DNAH6: variants seen among roughly 807,000 people sequenced by gnomAD.
DNAH6 encodes the protein axonemal beta dynein heavy chain 6.
Under a neutral mutation model 491.4 loss-of-function variants are expected in DNAH6, and 340 were observed. The ratio of observed to expected loss-of-function variants is 0.69; its 90% CI spans 0.63 to 0.76. The LOEUF is 0.76. Among genes scored for constraint, DNAH6 ranks in the 30% least tolerant of loss-of-function variants. The probability of loss-of-function intolerance (pLI) is 0.00; values close to 1 mark genes in which losing one functional copy is unlikely to be tolerated. For missense variants in DNAH6, 4,443 were observed against 4,972.2 expected, an observed-to-expected ratio of 0.89 and a Z score of 3.20; for synonymous variants, 1,603 against 1,686.1, an observed-to-expected ratio of 0.95 and a Z score of 1.21.
At chr2:84,809,256 T>G (rs72836489) in intron 72 of DNAH6, among the ~76,000 whole-genome samples, 1,800 of 152,254 alleles carry the variant, frequency 0.012, 20 homozygotes, top group Non-Finnish European at 0.017. Flanking sequence ...AGGAAAAGTG[T>G]TACTGCTAAG....
chr2:84,650,649 G>A (rs972127641), intron 33 of DNAH6, among the ~76,000 whole-genome samples: 1 of 152,164 alleles, frequency 6.6e-6, no homozygotes, highest in Non-Finnish European at 1.5e-5. Flanking sequence ...CTAGTCAGAA[G>A]GCTGAGGCGG....
At chr2:84,505,722 C>A in the DNAH6 span, among the ~76,000 whole-genome samples, 1 of 152,154 alleles carries the variant, frequency 6.6e-6, no homozygotes, top group Non-Finnish European at 1.5e-5. Context: ...CTCCACCCCA[C>A]AACAGGCCCC....
At chr2:84,703,289 C>T (rs939864850) in intron 49 of DNAH6, 106 bp from the exon 50 acceptor site, 16 of 809,356 alleles carry the variant, frequency 2.0e-5, no homozygotes, top group East Asian at 2.8e-5. Flanking sequence ...ACTGATTTAA[C>T]AATTCTGTAG....
intron 64 of DNAH6, among the ~76,000 whole-genome samples, chr2:84,771,889 TAAATAAC>T (rs1451063490): frequency 6.6e-6 from 1 of 152,118 alleles, no homozygotes; most frequent in Non-Finnish European, 1.5e-5. Context: ...CACGAAGAAA[TAAATAAC>T]ACAAGTAAGC....
At position 84,536,775 on chromosome 2, in the gene DNAH6, A is replaced by G. The variant is rs372507205; in HGVS notation, c.663-7458A>G. On this transcript the variant is annotated intron_variant, in intron 4 of 76. Coordinates refer to ENST00000389394, the MANE Select transcript of DNAH6 (RefSeq NM_001370.2). ...AGGAGTGGTGACTTCAAGAACTTGG[A>G]CAGATCATTCATCATGTCTTGATTA... Among the ~76,000 whole-genome samples, 99 of 152,146 alleles carry G rather than the reference A, an allele frequency of 6.5e-4. 1 individual carries two copies. The highest frequency in any genetic ancestry group is 2.2e-3 in the African/African-American group (93 of 41,544).
At chr2:84,788,038 G>C (rs1467212574) in intron 68 of DNAH6, among the ~76,000 whole-genome samples, 7 of 152,154 alleles carry the variant, frequency 4.6e-5, no homozygotes, top group Admixed American at 3.9e-4. Flanking sequence ...AGGTGATCTA[G>C]AGCCTAAAAG....
chr2:84,628,040 C>A (rs903995097), intron 29 of DNAH6, among the ~76,000 whole-genome samples: 1 of 152,140 alleles, frequency 6.6e-6, no homozygotes, highest in African/African-American at 2.4e-5. Flanking sequence ...CTCTCTAGAA[C>A]CTCGCCAAGA....
chr2:84,724,501 C>T lies in DNAH6; in HGVS notation c.9972+1697C>T, dbSNP rs138937383. Among the ~76,000 whole-genome samples, 1,409 of 152,360 alleles carry T rather than the reference C, an allele frequency of 9.2e-3. 8 individuals carry two copies. The highest frequency in any genetic ancestry group is 0.015 in the Non-Finnish European group (1,040 of 68,046). On this transcript the variant is annotated intron_variant, in intron 60 of 76. Transcript: ENST00000389394. ...TGCAACAGCCAAATTGATCCACTTA[C>T]ATTCCCAAGACTAACTGGATGCTTT...
At chr2:84,509,213 C>G in the DNAH6 span, among the ~76,000 whole-genome samples, 12 of 152,226 alleles carry the variant, frequency 7.9e-5, no homozygotes, top group Admixed American at 2.6e-4. Flanking sequence ...AAGTCTCTTT[C>G]TAGGTCTCTA....
intron 18 of DNAH6, among the ~76,000 whole-genome samples, chr2:84,601,654 T>C (rs900587984): frequency 3.3e-5 from 5 of 150,328 alleles, no homozygotes; most frequent in African/African-American, 4.9e-5. Context: ...ATTTTTTTAA[T>C]CCAGTCTGAC....
intron 22 of DNAH6, 113 bp from the exon 23 acceptor site, chr2:84,616,773 T>C: frequency 2.0e-6 from 1 of 499,056 alleles, no homozygotes; most frequent in East Asian, 3.6e-5. Context: ...TTTTATTAAA[T>C]AGTTTTCTAG....
chr2:84,699,524 T>C, intron 47 of DNAH6, 70 bp from the exon 48 acceptor site: 1 of 1,384,740 alleles, frequency 7.2e-7, no homozygotes, highest in South Asian at 1.4e-5. Flanking sequence ...TCAGATGCAT[T>C]AGCCAACACT....
chr2:84,619,502 C>T (rs561258906), intron 23 of DNAH6, among the ~76,000 whole-genome samples, 183 bp from the exon 24 acceptor site: 2 of 152,250 alleles, frequency 1.3e-5, no homozygotes, highest in South Asian at 4.1e-4. Context: ...TGCGTCATCA[C>T]TAATTTTCAC....
At chr2:84,478,214 A>T in the DNAH6 span, among the ~76,000 whole-genome samples, 1 of 152,234 alleles carries the variant, frequency 6.6e-6, no homozygotes, top group South Asian at 2.1e-4. Context: ...CTATGAGGAA[A>T]GATGAATCAG....
In DNAH6 at chr2:84,556,054, T is replaced by G. The variant is rs1315112520; in HGVS notation, c.1603-1681T>G. ...ATCATGTCCCTTTCCTGCTTAAAAT[T>G]TCTCCATTGCCTGTAGTAGCATCTT... On this transcript the variant is annotated intron_variant, in intron 10 of 76. Transcript: ENST00000389394. Among the ~76,000 whole-genome samples, 3 of 152,212 alleles carry G rather than the reference T, an allele frequency of 2.0e-5. No homozygotes were observed. In the East Asian group the frequency reaches 5.8e-4, roughly 29 times the overall value.
At chr2:84,777,572 T>C in intron 64 of DNAH6, 1 of 786,422 alleles carries the variant, frequency 1.3e-6, no homozygotes, top group Admixed American at 1.7e-5. Context: ...CTCTTTCCAC[T>C]GTTACTTATC....
intron 18 of DNAH6, among the ~76,000 whole-genome samples, chr2:84,601,028 T>C (rs1361718890): frequency 6.9e-6 from 1 of 144,124 alleles, no homozygotes; most frequent in African/African-American, 2.7e-5. Flanking sequence ...AATAATAATG[T>C]TATTATTATA....
In DNAH6 at chr2:84,787,145, T is replaced by C; in HGVS notation, c.11101-19T>C. On this transcript the variant is annotated intron_variant, in intron 67 of 76. Transcript: ENST00000389394. ...TTTTATCAAATTTTATTTCAGATCA[T>C]TTTCATTTTTCATTTTAGGAGAGAA... 3 of 1,467,184 alleles carry C rather than the reference T, an allele frequency of 2.0e-6. No individual in the cohort carries two copies. Among genetic ancestry groups the C allele is most frequent in the Admixed American group, 2.8e-5 (1 of 35,754 alleles). The allele number at this position is 1,467,184 out of a possible 1,614,324, so 90.9% of individuals were successfully genotyped here.
At chr2:84,585,180 A>G (rs189864046) in intron 15 of DNAH6, among the ~76,000 whole-genome samples, 4 of 152,344 alleles carry the variant, frequency 2.6e-5, no homozygotes, top group South Asian at 2.1e-4. Flanking sequence ...AAAAGTGTAC[A>G]TAACTAATTA....
Sources: gnomAD v4.1 joint callset for allele counts (sites outside exome capture counted in the v4.1 genomes callset) on GRCh38, gnomAD v4.1.1 for gene constraint, MANE v1.5 for transcripts, NCBI Gene and HGNC (gene_info 2026-07-23, HGNC 2026-07-21) for gene names.